Variants in FSTL5 observed in about 807,000 individuals in gnomAD.
FSTL5 encodes follistatin-related protein 5.
Under a neutral mutation model 89.1 loss-of-function variants are expected in FSTL5, and 62 were observed. The observed-to-expected ratio is 0.70, with a 90% CI of 0.57 to 0.86. The LOEUF (loss-of-function observed/expected upper bound fraction) is 0.86. FSTL5 is among the 40% of genes least tolerant of loss of function. The pLI, the probability that FSTL5 is intolerant of heterozygous loss-of-function variation, is 0.00. For synonymous variants in FSTL5, 383 were observed against 346.2 expected (o/e 1.11, Z -1.18); for missense variants, 1,057 against 1,001.6 (o/e 1.06, Z -0.75).
chr4:161,701,012 C>T (rs1234653960), intron 6 of FSTL5, among the ~76,000 whole-genome samples: 1 of 152,100 alleles, frequency 6.6e-6, no homozygotes, highest in African/African-American at 2.4e-5. Flanking sequence ...CTAATAATAA[C>T]TATGGAGGCA....
chr4:161,895,684 T>C (rs1733133838), intron 4 of FSTL5, among the ~76,000 whole-genome samples: 1 of 152,072 alleles, frequency 6.6e-6, no homozygotes, highest in Admixed American at 6.6e-5. Context: ...TATTTCAGAG[T>C]GTACTTAATT....
chr4:161,519,779 G>A (rs1388952021), intron 10 of FSTL5, among the ~76,000 whole-genome samples: 1 of 151,986 alleles, frequency 6.6e-6, no homozygotes, highest in East Asian at 1.9e-4. Context: ...AGATAAATAG[G>A]GAAGAAACAT....
intron 7 of FSTL5, among the ~76,000 whole-genome samples, chr4:161,634,421 G>T (rs2126659579): frequency 6.6e-6 from 1 of 152,232 alleles, no homozygotes; most frequent in East Asian, 1.9e-4. Context: ...TCAGTATCTT[G>T]ACAAGATATC....
chr4:161,566,092 T>TC (rs1732792082), intron 8 of FSTL5, among the ~76,000 whole-genome samples: 1 of 117,240 alleles, frequency 8.5e-6, no homozygotes, highest in African/African-American at 3.4e-5. Context: ...TTTTTCTTTT[T>TC]TTTTGGACTA....
At chr4:161,912,440 T>C (rs1560912541) in intron 4 of FSTL5, among the ~76,000 whole-genome samples, 1 of 152,132 alleles carries the variant, frequency 6.6e-6, no homozygotes, top group Non-Finnish European at 1.5e-5. Flanking sequence ...ATTCTCATGA[T>C]AGTGAGTAAG....
At chr4:161,779,803 A>ACG (rs1741582377) in intron 4 of FSTL5, among the ~76,000 whole-genome samples, 3 of 54,354 alleles carry the variant, frequency 5.5e-5, no homozygotes, top group East Asian at 1.1e-3. Flanking sequence ...ATATATATAT[A>ACG]TATATATGTA....
chr4:161,559,705 T>C (rs1367031320), intron 8 of FSTL5, among the ~76,000 whole-genome samples: 1 of 151,958 alleles, frequency 6.6e-6, no homozygotes, highest in East Asian at 1.9e-4. Context: ...AATATAATTA[T>C]GCATAATATA....
intron 6 of FSTL5, among the ~76,000 whole-genome samples, chr4:161,702,022 C>T (rs1738408471): frequency 6.6e-6 from 1 of 152,012 alleles, no homozygotes; most frequent in Non-Finnish European, 1.5e-5. Context: ...ATTTAGTACA[C>T]ATTTAAACCC....
intron 4 of FSTL5, among the ~76,000 whole-genome samples, chr4:161,830,500 T>G (rs1316402972): frequency 1.3e-5 from 2 of 152,026 alleles, no homozygotes; most frequent in Non-Finnish European, 2.9e-5. Flanking sequence ...ATTGAACTTT[T>G]TATTATGAGT....
chr4:161,481,228 A>T, intron 12 of FSTL5, 59 bp from the exon 13 acceptor site: 1 of 1,301,918 alleles, frequency 7.7e-7, no homozygotes, highest in Non-Finnish European at 1.1e-6. Flanking sequence ...CATGCCTGAC[A>T]ATATCATGGG....
At chr4:162,078,419 T>A (rs924863789) in intron 2 of FSTL5, among the ~76,000 whole-genome samples, 1 of 151,876 alleles carries the variant, frequency 6.6e-6, no homozygotes, top group Admixed American at 6.6e-5. Context: ...TTTTCAGTTA[T>A]GTTGCCATTT....
chr4:161,758,454 G>A (rs1021205613), intron 6 of FSTL5, among the ~76,000 whole-genome samples: 2 of 151,706 alleles, frequency 1.3e-5, no homozygotes, highest in African/African-American at 2.4e-5. Context: ...CTTTTTACAC[G>A]TAGCTCCTAA....
intron 2 of FSTL5, among the ~76,000 whole-genome samples, chr4:162,035,000 T>C (rs1243089067): frequency 1.3e-5 from 2 of 152,166 alleles, no homozygotes; most frequent in Non-Finnish European, 2.9e-5. Context: ...TAAACTAAAA[T>C]TTAAATGTAC....
At chr4:161,438,876 T>C (rs1207884094) in intron 15 of FSTL5, among the ~76,000 whole-genome samples, 3 of 151,992 alleles carry the variant, frequency 2.0e-5, no homozygotes, top group East Asian at 1.9e-4. Flanking sequence ...TTTTCCATTA[T>C]AGTAAAAATG....
intron 15 of FSTL5, among the ~76,000 whole-genome samples, chr4:161,446,424 ATATACTCCTG>A (rs1012158580): frequency 6.6e-6 from 1 of 152,074 alleles, no homozygotes; most frequent in African/African-American, 2.4e-5. Flanking sequence ...CTGTTAAGTT[ATATACTCCTG>A]TATTTGAAGT....
chr4:161,844,025 A>G (rs966767413), intron 4 of FSTL5, among the ~76,000 whole-genome samples: 1 of 152,204 alleles, frequency 6.6e-6, no homozygotes, highest in African/African-American at 2.4e-5. Flanking sequence ...AGAATTGGAG[A>G]AAATTTTTGC....
intron 6 of FSTL5, among the ~76,000 whole-genome samples, chr4:161,708,469 C>A (rs781469522): frequency 6.6e-6 from 1 of 151,918 alleles, no homozygotes; most frequent in Non-Finnish European, 1.5e-5. Flanking sequence ...AAAACTTGAA[C>A]AAGTGTGAAA....
At chr4:161,392,252 G>A (rs747603299) in intron 15 of FSTL5, among the ~76,000 whole-genome samples, 2 of 149,528 alleles carry the variant, frequency 1.3e-5, no homozygotes, top group Non-Finnish European at 3.0e-5. Context: ...TTTTGAGACA[G>A]GGTTTCACTC....
At position 162,124,752 on chromosome 4, in the gene FSTL5, T is replaced by G. The variant is rs546662142; in HGVS notation, c.-16-13340A>C. Among the ~76,000 whole-genome samples the G allele has an allele frequency of 2.0e-5, 3 of 152,182 alleles. No individual in the cohort carries two copies. The East Asian group carries it at 5.8e-4, about 29-fold the overall frequency. ...TCTCGCTCTGTCGCCCAGGCTGGAG[T>G]GCAGTGGTGCGATCTCAGCTCACTG... On this transcript the variant is annotated intron_variant, in intron 1 of 15. Transcript: ENST00000306100.
Sources: allele counts gnomAD v4.1 joint callset (sites outside exome capture counted in the v4.1 genomes callset), GRCh38; gene constraint gnomAD v4.1.1; transcripts MANE v1.5; gene names NCBI Gene and HGNC (gene_info 2026-07-23, HGNC 2026-07-21).